The following TNIK variants were observed in gnomAD, a reference collection of about 807,000 sequenced individuals.
TNIK encodes TRAF2 and NCK interacting kinase.
Under a neutral mutation model 191.3 loss-of-function variants are expected in TNIK, and 49 were observed. The ratio of observed to expected loss-of-function variants is 0.26; its 90% CI spans 0.20 to 0.32. The LOEUF (loss-of-function observed/expected upper bound fraction) is 0.32. Ranked by LOEUF, TNIK falls within the 10% of genes least tolerant of loss-of-function variation. The probability of loss-of-function intolerance (pLI) is 1.00; values close to 1 mark genes in which losing one functional copy is unlikely to be tolerated. For synonymous variants in TNIK, 594 were observed against 600.9 expected (o/e 0.99, Z 0.17); for missense variants, 1,155 against 1,702.3 (o/e 0.68, Z 5.66).
intron 19 of TNIK, among the ~76,000 whole-genome samples, chr3:171,109,015 G>A (rs781424777): frequency 2.6e-5 from 4 of 152,108 alleles, no homozygotes; most frequent in South Asian, 2.1e-4. Flanking sequence ...CTTTTAATCC[G>A]GAAGAACGAG....
intron 1 of TNIK, among the ~76,000 whole-genome samples, chr3:171,434,186 T>G (rs909066431): frequency 1.3e-4 from 20 of 152,180 alleles, no homozygotes; most frequent in African/African-American, 4.6e-4. Flanking sequence ...TCTGCCTGCC[T>G]TGGCCTCCCA....
chr3:171,087,427 T>C lies in TNIK; in HGVS notation c.2801A>G (p.Gln934Arg), dbSNP rs1162568819. 6.2e-7 allele frequency: 1 copy of C among 1,614,006 alleles called. No homozygotes were observed. The highest frequency in any genetic ancestry group is 1.1e-5 in the South Asian group (1 of 91,084). Residue 934 changes from glutamine to arginine, a missense_variant, in exon 24 of 33, where the codon CAG (glutamine) becomes CGG (arginine). Physicochemically the swap from Gln to Arg is conservative, Grantham distance 43. Around this residue, in one of 3 missense-constraint regions of TNIK, gnomAD observed 735 missense variants for 848.0 expected, o/e 0.87. Transcript: ENST00000436636. ...GGTTCCAGCTGGAGAATGGCTCTGC[T>C]GCACCAGGTCAGGGAGGTTGATGTG... ...AGHINLPDLV[Q>R]QSHSPAGTPT...
chr3:171,066,883 G>A, intron 30 of TNIK, 148 bp from the exon 31 acceptor site: 1 of 940,080 alleles, frequency 1.1e-6, no homozygotes, highest in Non-Finnish European at 1.5e-6. Flanking sequence ...CCACTGACTT[G>A]TAAAATACCC....
chr3:171,183,118 T>A (rs1736867991), intron 7 of TNIK, among the ~76,000 whole-genome samples: 1 of 152,192 alleles, frequency 6.6e-6, no homozygotes, highest in Non-Finnish European at 1.5e-5. Flanking sequence ...GGAGCTCTGG[T>A]ACTCAGTGGT....
At chr3:171,311,681 A>G (rs749740022) in intron 2 of TNIK, among the ~76,000 whole-genome samples, 14 of 152,192 alleles carry the variant, frequency 9.2e-5, no homozygotes, top group Non-Finnish European at 1.6e-4. Context: ...CAACTAACCC[A>G]AAAGTATTCA....
intron 11 of TNIK, among the ~76,000 whole-genome samples, chr3:171,157,919 G>GTT (rs1311446234): frequency 6.6e-6 from 1 of 152,192 alleles, no homozygotes; most frequent in African/African-American, 2.4e-5. Flanking sequence ...CATTCTCAGA[G>GTT]TTGTCACCTT....
intron 2 of TNIK, among the ~76,000 whole-genome samples, chr3:171,295,775 G>C (rs887415611): frequency 6.6e-6 from 1 of 152,134 alleles, no homozygotes; most frequent in Non-Finnish European, 1.5e-5. Context: ...CCATCTGGCT[G>C]GGGGGCAACT....
chr3:171,123,910 T>C (rs1294839295), intron 17 of TNIK, among the ~76,000 whole-genome samples: 1 of 152,094 alleles, frequency 6.6e-6, no homozygotes, highest in Admixed American at 6.5e-5. Context: ...ATGAGCAAAT[T>C]TGGGAACCAT....
intron 2 of TNIK, among the ~76,000 whole-genome samples, chr3:171,357,551 C>CTTTT (rs77632080): frequency 2.5e-4 from 32 of 126,928 alleles, no homozygotes; most frequent in East Asian, 1.1e-3. Context: ...AGCCTCTGTA[C>CTTTT]TTTTTTTTTT....
chr3:171,190,599 C>A, intron 6 of TNIK, 98 bp downstream of exon 6: 1 of 963,034 alleles, frequency 1.0e-6, no homozygotes. Context: ...CAATGCTCTC[C>A]AAATCCACGG....
At chr3:171,309,671 T>A (rs1370582643) in intron 2 of TNIK, among the ~76,000 whole-genome samples, 1 of 152,218 alleles carries the variant, frequency 6.6e-6, no homozygotes, top group Non-Finnish European at 1.5e-5. Context: ...CAGTAACTTT[T>A]AAGAATGTAA....
At chr3:171,297,238 C>G (rs1300283518) in intron 2 of TNIK, among the ~76,000 whole-genome samples, 3 of 152,196 alleles carry the variant, frequency 2.0e-5, no homozygotes, top group Admixed American at 6.5e-5. Context: ...CAAGCACTAA[C>G]ACAACTGTTT....
chr3:171,419,752 T>C (rs1034247495), intron 1 of TNIK, among the ~76,000 whole-genome samples: 15 of 152,114 alleles, frequency 9.9e-5, no homozygotes, highest in Admixed American at 2.0e-4. Flanking sequence ...CCGACAAGTA[T>C]CCTAAGCACT....
intron 2 of TNIK, among the ~76,000 whole-genome samples, chr3:171,280,656 A>G (rs1282771536): frequency 6.6e-6 from 1 of 152,108 alleles, no homozygotes. Context: ...TAAATTAAAA[A>G]AAAAAAAAAC....
chr3:171,443,928 G>T lies in TNIK; in HGVS notation c.57+16079C>A, dbSNP rs1349664567. Among the ~76,000 whole-genome samples, 10 of 149,486 alleles carry T rather than the reference G, an allele frequency of 6.7e-5. No homozygotes were observed. In the Admixed American group the frequency reaches 6.8e-4, roughly 10 times the overall value. On this transcript the variant is annotated intron_variant, in intron 1 of 32. Transcript: ENST00000436636. ...AGCTATCCCTCTAAGTGTCAATACT[G>T]GGAAAAACCTAATAATCTTTAACCA...
intron 4 of TNIK, among the ~76,000 whole-genome samples, chr3:171,205,809 G>A (rs918330319): frequency 7.9e-5 from 12 of 152,232 alleles, no homozygotes; most frequent in Middle Eastern, 3.4e-3. Context: ...GAATGATCTG[G>A]ATCCAGGTTG....
At chr3:171,419,594 CCTGGG>C (rs1286681730) in intron 1 of TNIK, among the ~76,000 whole-genome samples, 1 of 152,184 alleles carries the variant, frequency 6.6e-6, no homozygotes, top group Non-Finnish European at 1.5e-5. Context: ...TGAAGGAAGT[CCTGGG>C]CTCAGATCCC....
At chr3:171,230,544 C>T (rs1743493434) in intron 2 of TNIK, among the ~76,000 whole-genome samples, 1 of 152,152 alleles carries the variant, frequency 6.6e-6, no homozygotes. Context: ...TAGGCTCCCA[C>T]TTGCTCTTAC....
intron 1 of TNIK, among the ~76,000 whole-genome samples, chr3:171,380,789 A>G (rs1475617134): frequency 6.6e-6 from 1 of 152,266 alleles, no homozygotes; most frequent in Non-Finnish European, 1.5e-5. Context: ...CCAAGGGCCC[A>G]GGACTTTTCT....
Sources: allele counts gnomAD v4.1 joint callset (sites outside exome capture counted in the v4.1 genomes callset), GRCh38; gene constraint gnomAD v4.1.1; regional missense constraint gnomAD v4.1.1; transcripts MANE v1.5; gene names NCBI Gene and HGNC (gene_info 2026-07-23, HGNC 2026-07-21).